Variants in LCOR observed in about 807,000 individuals in gnomAD.
The protein encoded by LCOR is ligand-dependent corepressor.
LCOR carries 14 observed loss-of-function variants against 64.4 expected under a neutral mutation model. The ratio of observed to expected loss-of-function variants is 0.22; its 90% CI spans 0.14 to 0.34. LCOR has a LOEUF of 0.34. LCOR is among the 10% of genes least tolerant of loss of function. The pLI is 1.00. For synonymous variants in LCOR, 643 were observed against 642.5 expected, an observed-to-expected ratio of 1.00 and a Z score of -0.01; for missense variants, 1,686 against 1,765.3, an observed-to-expected ratio of 0.96 and a Z score of 0.80.
intron 1 of LCOR, chr10:96,833,047 C>T: frequency 2.0e-6 from 2 of 986,246 alleles, no homozygotes; most frequent in Non-Finnish European, 2.4e-6. Context: ...GTGTCATGGC[C>T]GCGGGGGGCA....
rs537548790 is a variant in LCOR, at chr10:96,956,496, G to C, written c.332+4300G>C. 15 of 982,180 alleles carry C rather than the reference G, an allele frequency of 1.5e-5. No homozygotes were observed. The African/African-American group carries it at 2.3e-4, about 15-fold the overall frequency. The allele number at this position is 982,180 out of a possible 1,614,324, so 60.8% of individuals were successfully genotyped here. A position where few individuals can be genotyped will look rare whatever the true frequency, so the allele number is the denominator to read the frequency against. ...TGGTTATTCACTGACATAATTATTG[G>C]GTCATTTATAGTTACATTTTATAAT... On this transcript the variant is annotated intron_variant, in intron 7 of 7. Coordinates refer to ENST00000421806, the MANE Select transcript of LCOR (RefSeq NM_001346516.2).
chr10:96,986,144 A>G lies in LCOR; in HGVS notation c.*1010A>G, dbSNP rs1035324959. ...TCCATGTGTGTTTGGGTGCATTTGC[A>G]TGTGGTTATCAGCCACAAATGTCTC... is the stretch of plus-strand genomic sequence containing the variant. On this transcript the variant is annotated 3_prime_UTR_variant, in exon 8 of 8. Coordinates refer to ENST00000421806, the MANE Select transcript of LCOR (RefSeq NM_001346516.2). The G allele has an allele frequency of 1.2e-5, 2 of 167,110 alleles. No homozygotes were observed. 10.4% of individuals were successfully genotyped at this position (167,110 alleles called of 1,614,324 possible).
rs1392010857 is a variant in LCOR at position 96,982,866 on chromosome 10, G to A, written c.2406G>A (p.Lys802=). Reference sequence around the variant, plus strand: ...ACTCACTCGAAGAGAATTTGGACAAGAAGAAAAAAGGTAAAAAATTCCCTG... The same window carrying A: ...ACTCACTCGAAGAGAATTTGGACAAAAAGAAAAAAGGTAAAAAATTCCCTG... The part of the protein sequence containing the change: ...SIDSLEENLD[K]KKKGKKFPEA... Residue 802 remains lysine (K), a synonymous_variant, in exon 8 of 8, where the codon AAG becomes AAA. Transcript: ENST00000421806. 6.2e-7 allele frequency: 1 copy of A among 1,613,856 alleles called. No individual in the cohort carries two copies. Among genetic ancestry groups the A allele is most frequent in the East Asian group, 2.2e-5 (1 of 44,880 alleles).
chr10:96,981,437 C>T lies in LCOR; in HGVS notation c.977C>T (p.Ala326Val). The T allele has an allele frequency of 1.2e-6, 2 of 1,614,140 alleles. No individual in the cohort carries two copies. The highest frequency in any genetic ancestry group is 1.7e-6 in the Non-Finnish European group (2 of 1,180,008). ...GAAAGTCTAATTACAGTAAAAATGG[C>T]AGCTGAGAATAGTGAGGAAGGCAAT... ...LVESLITVKM[A>V]AENSEEGNTC... Residue 326 changes from alanine to valine, a missense_variant, in exon 8 of 8, where the codon GCA (alanine) becomes GTA (valine). Physicochemically the swap from Ala to Val is moderately conservative, Grantham distance 64 (BLOSUM62 0). This residue lies in a region of LCOR where 313 missense variants were observed against 247.2 expected (regional missense o/e 1.27). Coordinates refer to ENST00000421806, the MANE Select transcript of LCOR (RefSeq NM_001346516.2).
rs1219218197 is a variant in LCOR at position 96,984,563 on chromosome 10, T to G, written c.4103T>G (p.Phe1368Cys). 3 of 1,614,102 alleles carry G rather than the reference T, an allele frequency of 1.9e-6. No homozygotes were observed. The highest frequency in any genetic ancestry group is 1.7e-6 in the Non-Finnish European group (2 of 1,180,040). ...GCCCTGCAAGTGGATGCAGATGGGT[T>G]TCCTGTTAAGCCCAAGAGTACTGAA... ...KLALQVDADGFPVKPKSTEGM... is the reference protein window; with the variant it reads ...KLALQVDADGCPVKPKSTEGM... The change falls in exon 8 of 8, where the codon TTT becomes TGT. Residue 1368 changes from phenylalanine to cysteine, a missense_variant. Phe to Cys is a radical substitution (Grantham distance 205, BLOSUM62 -2). Coordinates refer to ENST00000421806, the MANE Select transcript of LCOR (RefSeq NM_001346516.2).
chr10:96,841,894 C>T (rs921749216), intron 2 of LCOR, among the ~76,000 whole-genome samples: 1 of 151,840 alleles, frequency 6.6e-6, no homozygotes, highest in Non-Finnish European at 1.5e-5. Context: ...GCCACTCCAC[C>T]CGGCCAGAGC....
At chr10:96,867,544 C>T (rs1020529348) in intron 2 of LCOR, among the ~76,000 whole-genome samples, 5 of 152,108 alleles carry the variant, frequency 3.3e-5, no homozygotes, top group African/African-American at 1.2e-4. Flanking sequence ...CTGCAGTGAG[C>T]TGTGATCATA....
chr10:96,920,921 C>G (rs1283739472), intron 4 of LCOR, among the ~76,000 whole-genome samples: 2 of 151,802 alleles, frequency 1.3e-5, no homozygotes, highest in African/African-American at 2.4e-5. Context: ...CCTCAGCCTC[C>G]CAAGCAGCTG....
At chr10:96,872,928 T>A (rs1218286796) in intron 2 of LCOR, among the ~76,000 whole-genome samples, 3 of 150,358 alleles carry the variant, frequency 2.0e-5, no homozygotes, top group South Asian at 2.1e-4. Context: ...TATGTTTTTT[T>A]AAAAAACCAA....
chr10:96,836,679 C>G (rs1377191798), intron 2 of LCOR, among the ~76,000 whole-genome samples: 1 of 152,068 alleles, frequency 6.6e-6, no homozygotes, highest in African/African-American at 2.4e-5. Flanking sequence ...TGGACGATTT[C>G]GTGAAGAAGG....
intron 5 of LCOR, among the ~76,000 whole-genome samples, chr10:96,945,138 A>T (rs893382404): frequency 2.6e-4 from 39 of 152,204 alleles, no homozygotes; most frequent in African/African-American, 9.2e-4. Flanking sequence ...AAATATTCTT[A>T]CTTAATCTTC....
intron 2 of LCOR, among the ~76,000 whole-genome samples, chr10:96,882,562 T>G (rs1367788509): frequency 6.6e-6 from 1 of 152,194 alleles, no homozygotes; most frequent in East Asian, 1.9e-4. Flanking sequence ...GTGGTACATT[T>G]ATTATAGTTG....
chr10:96,956,852 C>G, intron 7 of LCOR: 1 of 985,264 alleles, frequency 1.0e-6, no homozygotes, highest in Non-Finnish European at 1.2e-6. Flanking sequence ...GATGTGCTAA[C>G]TGAATATCAT....
intron 2 of LCOR, among the ~76,000 whole-genome samples, chr10:96,837,116 G>GAGT (rs1333620164): frequency 1.3e-5 from 2 of 150,750 alleles, no homozygotes; most frequent in African/African-American, 4.9e-5. Context: ...CTCAGCCTCC[G>GAGT]AGTAGCTGGG....
At chr10:96,915,381 C>T (rs150791762) in intron 4 of LCOR, among the ~76,000 whole-genome samples, 6,806 of 152,112 alleles carry the variant, frequency 0.045, 516 homozygotes, top group African/African-American at 0.15. Flanking sequence ...ATTAGCCAGG[C>T]GTGGTGACGT....
At chr10:96,897,254 T>C (rs916797953) in intron 2 of LCOR, among the ~76,000 whole-genome samples, 3 of 152,320 alleles carry the variant, frequency 2.0e-5, no homozygotes, top group Non-Finnish European at 4.4e-5. Flanking sequence ...TAGCAGGGTG[T>C]GTTAAAAAAG....
At chr10:96,931,327 A>G (rs887829522) in intron 4 of LCOR, among the ~76,000 whole-genome samples, 44 of 150,932 alleles carry the variant, frequency 2.9e-4, no homozygotes, top group Admixed American at 2.4e-3. Flanking sequence ...TCCGCCTCCC[A>G]GGTTCAAGTG....
chr10:96,845,366 A>G (rs1470115150), intron 2 of LCOR, among the ~76,000 whole-genome samples: 1 of 148,416 alleles, frequency 6.7e-6, no homozygotes, highest in Non-Finnish European at 1.5e-5. Context: ...ATAAACACTA[A>G]TTTCCTGTGT....
At chr10:96,966,382 A>T (rs909857222) in intron 7 of LCOR, among the ~76,000 whole-genome samples, 1 of 151,476 alleles carries the variant, frequency 6.6e-6, no homozygotes, top group African/African-American at 2.4e-5. Flanking sequence ...GCGCCCGCCA[A>T]CACGCCCGGC....
Sources: allele counts gnomAD v4.1 joint callset (sites outside exome capture counted in the v4.1 genomes callset), GRCh38; gene constraint gnomAD v4.1.1; regional missense constraint gnomAD v4.1.1; transcripts MANE v1.5; gene names NCBI Gene and HGNC (gene_info 2026-07-23, HGNC 2026-07-21).